STPG2: variants seen among roughly 807,000 people sequenced by gnomAD.
STPG2 encodes sperm-tail PG-rich repeat-containing protein 2.
Under a neutral mutation model 54.2 loss-of-function variants are expected in STPG2, and 56 were observed. That is an observed-to-expected ratio of 1.03 (90% confidence interval 0.83 to 1.29). STPG2 has a LOEUF of 1.29. Among genes scored for constraint, STPG2 ranks in the 50% most tolerant of loss-of-function variants. The pLI, the probability that STPG2 is intolerant of heterozygous loss-of-function variation, is 0.00. For synonymous variants in STPG2, 200 were observed against 181.8 expected, an observed-to-expected ratio of 1.10 and a Z score of -0.81; for missense variants, 596 against 544.9, an observed-to-expected ratio of 1.09 and a Z score of -0.93.
Position 97,789,395 on chromosome 4 carries a change from A to G in STPG2, c.1204+51378T>C, listed in dbSNP as rs542981923. On this transcript the variant is annotated intron_variant, in intron 9 of 10. Transcript: ENST00000295268. ...ATGCAGGTGTTTCATCACCTAGAAC[A>G]TAACATTTTCTAAAGCCAAACATAA... 1.2e-4 allele frequency among the ~76,000 whole-genome samples: 19 copies of G among 152,232 alleles called. No homozygotes were observed. In the East Asian group the frequency reaches 1.7e-3, roughly 14 times the overall value.
chr4:97,810,235 G>A (rs1727692876), intron 9 of STPG2, among the ~76,000 whole-genome samples: 1 of 152,094 alleles, frequency 6.6e-6, no homozygotes, highest in South Asian at 2.1e-4. Flanking sequence ...GGAGGCCAAG[G>A]CAGGTGGATC....
chr4:97,871,229 G>A (rs756683239), intron 8 of STPG2, among the ~76,000 whole-genome samples: 2 of 150,812 alleles, frequency 1.3e-5, no homozygotes, highest in South Asian at 4.1e-4. Flanking sequence ...TCATATAAAA[G>A]ATGTAGGAAA....
chr4:97,893,925 G>T (rs183195534), intron 8 of STPG2, among the ~76,000 whole-genome samples: 37 of 152,046 alleles, frequency 2.4e-4, no homozygotes, highest in African/African-American at 8.9e-4. Context: ...ATGGACCCTA[G>T]TATCAGGAAC....
At chr4:97,717,001 C>T (rs1235538447) in intron 9 of STPG2, among the ~76,000 whole-genome samples, 2 of 152,110 alleles carry the variant, frequency 1.3e-5, no homozygotes, top group African/African-American at 4.8e-5. Flanking sequence ...TTTTATTCTT[C>T]AGCTTTACAA....
chr4:97,512,442 T>C (rs1730992239), intron 4 of STPG2, among the ~76,000 whole-genome samples: 2 of 152,138 alleles, frequency 1.3e-5, no homozygotes, highest in South Asian at 4.1e-4. Flanking sequence ...GGAATGCATA[T>C]GTAGCTTGGA....
chr4:97,631,097 C>A (rs1440764921), intron 10 of STPG2, among the ~76,000 whole-genome samples: 1 of 151,864 alleles, frequency 6.6e-6, no homozygotes, highest in Non-Finnish European at 1.5e-5. Context: ...CCAGACACTG[C>A]TTTCCTTTTT....
intron 10 of STPG2, among the ~76,000 whole-genome samples, chr4:97,679,130 G>A (rs1002433322): frequency 5.3e-5 from 8 of 151,966 alleles, no homozygotes; most frequent in African/African-American, 1.9e-4. Flanking sequence ...TAGTCCTTTG[G>A]GTATATACCC....
At chr4:98,111,553 C>G (rs1019860511) in intron 3 of STPG2, among the ~76,000 whole-genome samples, 5 of 152,118 alleles carry the variant, frequency 3.3e-5, no homozygotes, top group Admixed American at 2.0e-4. Context: ...TAACACCTAG[C>G]CCCCACACAT....
chr4:98,122,518 G>A (rs1396821284), intron 3 of STPG2, among the ~76,000 whole-genome samples: 2 of 151,844 alleles, frequency 1.3e-5, no homozygotes, highest in Non-Finnish European at 2.9e-5. Context: ...TGCATATGTT[G>A]AACCAACCTT....
At chr4:97,809,464 T>C (rs926882224) in intron 9 of STPG2, among the ~76,000 whole-genome samples, 1 of 152,216 alleles carries the variant, frequency 6.6e-6, no homozygotes, top group Non-Finnish European at 1.5e-5. Context: ...AATATGTAGA[T>C]CAGCTGAATG....
intron 5 of STPG2, among the ~76,000 whole-genome samples, chr4:97,991,905 T>A (rs1735031186): frequency 6.6e-6 from 1 of 152,178 alleles, no homozygotes; most frequent in South Asian, 2.1e-4. Context: ...GTATATCTTC[T>A]TTTGAGAATT....
intron 8 of STPG2, among the ~76,000 whole-genome samples, chr4:97,877,885 C>A (rs183274382): frequency 1.5e-4 from 23 of 152,244 alleles, no homozygotes; most frequent in African/African-American, 5.1e-4. Flanking sequence ...ACAAGGCGAT[C>A]CCTTCCACCT....
intron 10 of STPG2, among the ~76,000 whole-genome samples, chr4:97,564,339 G>A (rs1578391603): frequency 6.6e-6 from 1 of 152,140 alleles, no homozygotes; most frequent in Non-Finnish European, 1.5e-5. Flanking sequence ...CTGCATGTGA[G>A]ATGGGTTTCC....
At chr4:98,096,413 A>G (rs1738861193) in intron 5 of STPG2, among the ~76,000 whole-genome samples, 1 of 152,086 alleles carries the variant, frequency 6.6e-6, no homozygotes. Context: ...AAGAAAAAAA[A>G]AAATCTTGAA....
At chr4:97,724,231 CT>C (rs1385747403) in intron 9 of STPG2, among the ~76,000 whole-genome samples, 6 of 151,646 alleles carry the variant, frequency 4.0e-5, no homozygotes, top group African/African-American at 9.7e-5. Flanking sequence ...CTTCATATAC[CT>C]TTATTTTTAC....
chr4:97,940,684 A>G (rs1337550546), intron 8 of STPG2, among the ~76,000 whole-genome samples: 1 of 152,126 alleles, frequency 6.6e-6, no homozygotes, highest in African/African-American at 2.4e-5. Flanking sequence ...CAGCTATTTC[A>G]TCCTTCAGCT....
intron 8 of STPG2, among the ~76,000 whole-genome samples, chr4:97,876,509 G>T (rs1406623432): frequency 6.6e-6 from 1 of 151,956 alleles, no homozygotes; most frequent in East Asian, 1.9e-4. Flanking sequence ...ATATTAGAAG[G>T]TAATTATAAA....
intron 4 of STPG2, among the ~76,000 whole-genome samples, chr4:97,457,104 A>C (rs1479593028): frequency 6.6e-6 from 1 of 152,150 alleles, no homozygotes; most frequent in African/African-American, 2.4e-5. Flanking sequence ...TGATAATACC[A>C]AATAGTGGTG....
chr4:98,142,982 G>T, intron 1 of STPG2, 60 bp downstream of exon 1: 2 of 1,430,282 alleles, frequency 1.4e-6, no homozygotes, highest in Non-Finnish European at 1.9e-6. Flanking sequence ...GCACGCAGAA[G>T]CGGAGCAGGC....
Sources: gnomAD v4.1 joint callset for allele counts (sites outside exome capture counted in the v4.1 genomes callset) on GRCh38, gnomAD v4.1.1 for gene constraint, MANE v1.5 for transcripts, NCBI Gene and HGNC (gene_info 2026-07-23, HGNC 2026-07-21) for gene names.